The following EDIL3 variants were observed in gnomAD, a reference collection of about 807,000 sequenced individuals.
EDIL3 encodes EGF-like repeat and discoidin I-like domain-containing protein 3.
Under a neutral mutation model 67.4 loss-of-function variants are expected in EDIL3, and 37 were observed. That is an observed-to-expected ratio of 0.55 (90% CI 0.42 to 0.72). The LOEUF (loss-of-function observed/expected upper bound fraction) is 0.72, where lower values mean the gene tolerates loss of function less well. Among genes scored for constraint, EDIL3 ranks in the 30% least tolerant of loss-of-function variants. The pLI, the probability that EDIL3 is intolerant of heterozygous loss-of-function variation, is 0.00. For synonymous variants in EDIL3, 195 were observed against 196.3 expected (o/e 0.99, Z 0.05); for missense variants, 527 against 586.3 (o/e 0.90, Z 1.04).
chr5:84,138,862 A>G (rs982439125), intron 4 of EDIL3, among the ~76,000 whole-genome samples: 15 of 152,206 alleles, frequency 9.9e-5, no homozygotes, highest in Middle Eastern at 3.2e-3. Context: ...AAATAAAAAT[A>G]ATTTGAGTAC....
At chr5:84,287,895 CTGGACCTCT>C (rs1745840836) in intron 1 of EDIL3, among the ~76,000 whole-genome samples, 1 of 152,094 alleles carries the variant, frequency 6.6e-6, no homozygotes, top group South Asian at 2.1e-4. Flanking sequence ...GGCTCAGTCC[CTGGACCTCT>C]TGTCTTTTCT....
chr5:84,090,790 A>G (rs996760707), intron 6 of EDIL3, among the ~76,000 whole-genome samples: 8 of 151,876 alleles, frequency 5.3e-5, no homozygotes, highest in African/African-American at 1.9e-4. Flanking sequence ...TACTGAAAAT[A>G]CAAAAAAAAT....
chr5:84,133,979 T>G (rs1748043941), intron 5 of EDIL3, among the ~76,000 whole-genome samples: 2 of 152,010 alleles, frequency 1.3e-5, no homozygotes, highest in African/African-American at 2.4e-5. Flanking sequence ...AAACTTTTTT[T>G]GCCTAGTATT....
intron 1 of EDIL3, among the ~76,000 whole-genome samples, chr5:84,377,087 G>A (rs1181631662): frequency 1.3e-5 from 2 of 152,170 alleles, no homozygotes; most frequent in East Asian, 1.9e-4. Context: ...AGCACTTTGG[G>A]AGGCCAAGGC....
chr5:84,326,790 TG>T (rs760615603), intron 1 of EDIL3, among the ~76,000 whole-genome samples: 6 of 151,966 alleles, frequency 3.9e-5, no homozygotes, highest in Non-Finnish European at 5.9e-5. Context: ...TCTTTAATAT[TG>T]TTTTTTTTCT....
intron 1 of EDIL3, among the ~76,000 whole-genome samples, chr5:84,271,257 A>G (rs1745467537): frequency 6.6e-6 from 1 of 152,018 alleles, no homozygotes; most frequent in African/African-American, 2.4e-5. Flanking sequence ...CACTAAAAAT[A>G]CAAAAAATTA....
chr5:84,126,797 T>A (rs1747877329), intron 5 of EDIL3, among the ~76,000 whole-genome samples: 1 of 152,088 alleles, frequency 6.6e-6, no homozygotes, highest in South Asian at 2.1e-4. Flanking sequence ...AAACCTTGCA[T>A]TAAGCACTCA....
rs374568587 is a variant in EDIL3, at chr5:84,270,619, T to C, written c.68-16407A>G. Among the ~76,000 whole-genome samples the C allele has an allele frequency of 1.9e-4, 29 of 152,334 alleles. No homozygotes were observed. The East Asian group carries it at 3.9e-3, about 20-fold the overall frequency. Reference sequence around the variant, plus strand: ...GCTTTAACGAACACCAACAACATACTAACCACTAAGAACGAATCATGTGGC... The same window carrying C: ...GCTTTAACGAACACCAACAACATACCAACCACTAAGAACGAATCATGTGGC... On this transcript the variant is annotated intron_variant, in intron 1 of 10. Transcript: ENST00000296591.
intron 9 of EDIL3, among the ~76,000 whole-genome samples, chr5:84,031,979 G>A (rs1055959330): frequency 1.3e-5 from 2 of 152,154 alleles, no homozygotes; most frequent in African/African-American, 4.8e-5. Context: ...ACTTGTTCTC[G>A]AGACAGGACA....
chr5:84,384,180 C>T (rs2112231903), intron 1 of EDIL3, 128 bp downstream of exon 1: 1 of 1,211,662 alleles, frequency 8.3e-7, no homozygotes, highest in East Asian at 2.5e-5. Context: ...TCGACGCCTC[C>T]TCCGCGCCGC....
At chr5:84,310,044 T>C (rs1746353276) in intron 1 of EDIL3, among the ~76,000 whole-genome samples, 2 of 152,096 alleles carry the variant, frequency 1.3e-5, no homozygotes, top group African/African-American at 2.4e-5. Context: ...GCCTTACAAA[T>C]ACCAAATAGA....
rs1458333550 is a variant in EDIL3, at chr5:84,384,514, G to T, written c.-140C>A. The stretch of plus-strand genomic sequence containing the variant: ...AGACGTTCTCTTTCCTCAGCGCTTT[G>T]TTAAACAAATTCTTGGAGAGGGCGA... On this transcript the variant is annotated 5_prime_UTR_variant, in exon 1 of 11. Transcript: ENST00000296591. 1.2e-5 allele frequency: 9 copies of T among 767,662 alleles called. No individual in the cohort carries two copies. Among genetic ancestry groups the T allele is most frequent in the African/African-American group, 1.8e-5 (1 of 55,914 alleles). The allele number at this position is 767,662 out of a possible 1,614,324, so 47.6% of individuals were successfully genotyped here.
intron 1 of EDIL3, among the ~76,000 whole-genome samples, chr5:84,306,009 A>G (rs1162541826): frequency 2.6e-5 from 4 of 152,180 alleles, no homozygotes; most frequent in African/African-American, 7.2e-5. Context: ...ACAAATGAAC[A>G]AATTCCTGTT....
At chr5:84,135,044 G>A (rs1748063098) in intron 5 of EDIL3, among the ~76,000 whole-genome samples, 1 of 152,128 alleles carries the variant, frequency 6.6e-6, no homozygotes, top group Admixed American at 6.5e-5. Context: ...CTCTTTCATA[G>A]CCTTACTGTC....
chr5:84,068,358 C>T (rs1300135267), intron 6 of EDIL3, among the ~76,000 whole-genome samples: 2 of 152,020 alleles, frequency 1.3e-5, no homozygotes, highest in Admixed American at 6.6e-5. Flanking sequence ...TCTGATGTTG[C>T]TGAACATTCC....
At chr5:84,137,184 T>TACACACAC (rs70975542) in intron 5 of EDIL3, 57 bp downstream of exon 5, 278 of 901,858 alleles carry the variant, frequency 3.1e-4, no homozygotes, top group African/African-American at 2.5e-3. Flanking sequence ...TGTGTATACA[T>TACACACAC]ACACACACAC....
At chr5:84,199,318 G>C (rs905300544) in intron 3 of EDIL3, among the ~76,000 whole-genome samples, 1 of 151,820 alleles carries the variant, frequency 6.6e-6, no homozygotes, top group African/African-American at 2.4e-5. Context: ...TACTATTTTT[G>C]CATACTTTGA....
chr5:84,312,736 C>T (rs1746434004), intron 1 of EDIL3, among the ~76,000 whole-genome samples: 1 of 152,194 alleles, frequency 6.6e-6, no homozygotes. Context: ...AATGTATTTT[C>T]TATTTAGCAT....
At chr5:84,035,003 A>AT (rs1208099505) in intron 9 of EDIL3, among the ~76,000 whole-genome samples, 3 of 152,120 alleles carry the variant, frequency 2.0e-5, no homozygotes, top group Non-Finnish European at 4.4e-5. Context: ...TTTCTGGGAC[A>AT]TTTTTTGTCA....
Sources: allele counts gnomAD v4.1 joint callset (sites outside exome capture counted in the v4.1 genomes callset), GRCh38; gene constraint gnomAD v4.1.1; transcripts MANE v1.5; gene names NCBI Gene and HGNC (gene_info 2026-07-23, HGNC 2026-07-21).